The following FRMPD4 variants were observed in gnomAD, a reference collection of about 807,000 sequenced individuals.
The protein encoded by FRMPD4 is FERM and PDZ domain containing 4.
Under a neutral mutation model 94.1 loss-of-function variants are expected in FRMPD4, and 22 were observed. That is an observed-to-expected ratio of 0.23 (90% CI 0.17 to 0.33). FRMPD4 has a LOEUF of 0.33. Among genes scored for constraint, FRMPD4 ranks in the 10% least tolerant of loss-of-function variants. The pLI, the probability that FRMPD4 is intolerant of heterozygous loss-of-function variation, is 1.00. For synonymous variants in FRMPD4, 631 were observed against 548.6 expected (o/e 1.15, Z -2.10); for missense variants, 1,111 against 1,339.9 (o/e 0.83, Z 2.67).
chrX:12,652,760 C>T (rs181305554), intron 4 of FRMPD4, among the ~76,000 whole-genome samples: 3 of 111,859 alleles, frequency 2.7e-5, no homozygotes, highest in South Asian at 3.8e-4. Flanking sequence ...GTATGTCTCT[C>T]CTCCTCCTTG....
intron 3 of FRMPD4, among the ~76,000 whole-genome samples, chrX:12,058,944 G>C (rs1211565005): frequency 9.0e-6 from 1 of 110,966 alleles, no homozygotes; most frequent in African/African-American, 3.3e-5. Context: ...CAATAGTGTT[G>C]GGGTTTAGAA....
At chrX:12,636,671 T>G (rs1363164539) in intron 4 of FRMPD4, among the ~76,000 whole-genome samples, 4 of 112,274 alleles carry the variant, frequency 3.6e-5, no homozygotes, top group Non-Finnish European at 7.5e-5. Flanking sequence ...TGATCCTGTC[T>G]CTTTATTTAC....
intron 1 of FRMPD4, among the ~76,000 whole-genome samples, chrX:11,828,710 C>T (rs2053458054): frequency 9.0e-6 from 1 of 111,484 alleles, no homozygotes; most frequent in African/African-American, 3.3e-5. Context: ...AACCAGAAAG[C>T]TGGATCTTTA....
intron 1 of FRMPD4, among the ~76,000 whole-genome samples, chrX:12,305,725 GTTTT>G (rs58794898): frequency 8.4e-5 from 5 of 59,701 alleles, no homozygotes; most frequent in East Asian, 6.9e-4. Context: ...AGCTGGCTAA[GTTTT>G]TTTTTTTTTT....
chrX:12,495,482 A>G (rs4830777), intron 1 of FRMPD4, among the ~76,000 whole-genome samples: 29,156 of 110,449 alleles, frequency 0.26, 3,486 homozygotes, highest in East Asian at 0.57. Context: ...GTTCTAACCC[A>G]GTGTTTCTCA....
chrX:12,010,608 G>C (rs1382268687), intron 3 of FRMPD4, among the ~76,000 whole-genome samples: 2 of 111,914 alleles, frequency 1.8e-5, no homozygotes, highest in South Asian at 3.7e-4. Flanking sequence ...AAAATAATGA[G>C]CACGTCTGTT....
intron 3 of FRMPD4, among the ~76,000 whole-genome samples, chrX:12,037,305 A>T (rs896838057): frequency 8.9e-6 from 1 of 111,844 alleles, no homozygotes; most frequent in African/African-American, 3.2e-5. Flanking sequence ...TTTATTCATG[A>T]TGCATTATGA....
chrX:12,658,130 C>T (rs984374676), intron 4 of FRMPD4, among the ~76,000 whole-genome samples: 2 of 111,763 alleles, frequency 1.8e-5, no homozygotes, highest in African/African-American at 6.5e-5. Flanking sequence ...CAGTCAAATT[C>T]AGTCAGAGCA....
At chrX:12,212,051 C>G (rs1372511479) in intron 1 of FRMPD4, among the ~76,000 whole-genome samples, 1 of 111,408 alleles carries the variant, frequency 9.0e-6, no homozygotes, top group Non-Finnish European at 1.9e-5. Context: ...CAGAAACTTC[C>G]AGTTCCTCCC....
chrX:12,401,463 T>C (rs1311265167), intron 1 of FRMPD4, among the ~76,000 whole-genome samples: 1 of 111,466 alleles, frequency 9.0e-6, no homozygotes, highest in East Asian at 2.8e-4. Flanking sequence ...TTGCTTCTAA[T>C]AGTTTTTGGC....
intron 3 of FRMPD4, among the ~76,000 whole-genome samples, chrX:11,935,261 TTTAATGTG>T (rs1193194233): frequency 3.1e-5 from 1 of 32,678 alleles, no homozygotes; most frequent in Non-Finnish European, 5.7e-5. Flanking sequence ...TTTTTTTTTT[TTTAATGTG>T]TTTTTTTTTT....
intron 1 of FRMPD4, among the ~76,000 whole-genome samples, chrX:12,332,227 G>T (rs1364012950): frequency 1.4e-4 from 13 of 91,402 alleles, no homozygotes; most frequent in Admixed American, 1.0e-3. Flanking sequence ...GAGAGAGAGA[G>T]AGAGAGAGAG....
At chrX:11,975,037 G>A (rs2054359889) in intron 3 of FRMPD4, among the ~76,000 whole-genome samples, 1 of 112,004 alleles carries the variant, frequency 8.9e-6, no homozygotes, top group African/African-American at 3.2e-5. Flanking sequence ...TAAGTCAAAA[G>A]GGTAAGCAGG....
intron 1 of FRMPD4, among the ~76,000 whole-genome samples, chrX:12,231,018 A>ATAGTGT (rs60562591): frequency 2.2e-5 from 1 of 46,064 alleles, no homozygotes; most frequent in African/African-American, 7.9e-5. Flanking sequence ...TAGTATATAT[A>ATAGTGT]GTATATATAT....
At chrX:12,247,401 C>T (rs180899198) in intron 1 of FRMPD4, among the ~76,000 whole-genome samples, 4 of 111,508 alleles carry the variant, frequency 3.6e-5, no homozygotes, top group Non-Finnish European at 5.7e-5. Context: ...GTTCCATCCT[C>T]GGGAGTGCCC....
intron 4 of FRMPD4, among the ~76,000 whole-genome samples, chrX:12,663,688 C>G (rs2059743114): frequency 8.9e-6 from 1 of 112,093 alleles, no homozygotes; most frequent in African/African-American, 3.2e-5. Flanking sequence ...TATATGGGCT[C>G]TTTTTTGGTT....
chrX:12,199,572 G>C (rs1361038242), intron 1 of FRMPD4, among the ~76,000 whole-genome samples: 1 of 111,388 alleles, frequency 9.0e-6, no homozygotes, highest in African/African-American at 3.3e-5. Context: ...TAGTTAATGG[G>C]ACAGGTATGC....
chrX:12,263,079 G>C (rs1461829023), intron 1 of FRMPD4, among the ~76,000 whole-genome samples: 1 of 111,684 alleles, frequency 9.0e-6, no homozygotes, highest in Non-Finnish European at 1.9e-5. Flanking sequence ...CAAGTCATAA[G>C]ACTGACATGC....
chrX:12,410,833 T>G (rs1385033043), intron 1 of FRMPD4, among the ~76,000 whole-genome samples: 2 of 111,684 alleles, frequency 1.8e-5, no homozygotes, highest in Non-Finnish European at 3.8e-5. Context: ...AAAGAAATGG[T>G]TTTTGAATTG....
Sources: gnomAD v4.1 joint callset for allele counts (sites outside exome capture counted in the v4.1 genomes callset) on GRCh38, gnomAD v4.1.1 for gene constraint, MANE v1.5 for transcripts, NCBI Gene and HGNC (gene_info 2026-07-23, HGNC 2026-07-21) for gene names.